Variants in NOTCH2 observed in about 807,000 individuals in gnomAD.
NOTCH2 encodes the protein notch receptor 2, also known as neurogenic locus notch homolog protein 2.
A neutral mutation model predicts 235.8 loss-of-function variants in NOTCH2; 29 were observed. That is an observed-to-expected ratio of 0.12 (90% CI 0.09 to 0.17). The LOEUF is 0.17. Ranked by LOEUF, NOTCH2 falls within the 10% of genes least tolerant of loss-of-function variation. The pLI, the probability that NOTCH2 is intolerant of heterozygous loss-of-function variation, is 1.00. For missense variants in NOTCH2, 2,285 were observed against 3,150.2 expected (o/e 0.73, Z 6.57); for synonymous variants, 1,086 against 1,141.5 (o/e 0.95, Z 0.98).
At position 119,999,210 on chromosome 1, in the gene NOTCH2, C is replaced by T. The variant is rs1772487; in HGVS notation, c.416-1878G>A. 7.3e-3 allele frequency among the ~76,000 whole-genome samples: 1,019 copies of T among 139,608 alleles called. 8 individuals are homozygous for T. The highest frequency in any genetic ancestry group is 0.02 in the African/African-American group (660 of 33,284). 91.6% of individuals were successfully genotyped at this position (139,608 alleles called of 152,430 possible). A position where few individuals can be genotyped will look rare whatever the true frequency, so the allele number is the denominator to read the frequency against. On this transcript the variant is annotated intron_variant, in intron 3 of 33. Transcript: ENST00000256646. Reference sequence around the variant, plus strand: ...AATTCTTTGGGTATATATCCAGTAACGGGATGGCGAGAACTCCTTGAATTT... The same window carrying T: ...AATTCTTTGGGTATATATCCAGTAATGGGATGGCGAGAACTCCTTGAATTT...
rs1292958721 is a variant in NOTCH2 at position 119,916,009 on chromosome 1, G to T, written c.6713C>A (p.Ala2238Asp). ...TGGATGGAGCCTACTCAAGCTTCCA[G>T]CACTGCCACTGCCTGGAGACACAAT... is the stretch of plus-strand genomic sequence containing the variant. ...HHIVSPGSGS[A>D]GSLSRLHPVP... The change falls in exon 34 of 34, where the codon GCT becomes GAT. Residue 2238 changes from alanine (A) to aspartate (D), a missense_variant. Transcript: ENST00000256646. 1 of 1,613,826 alleles carries T rather than the reference G, an allele frequency of 6.2e-7. No homozygotes were observed. The highest frequency in any genetic ancestry group is 1.1e-5 in the South Asian group (1 of 91,090).
chr1:119,948,635 C>T, intron 16 of NOTCH2, 69 bp from the exon 17 acceptor site: 1 of 1,579,822 alleles, frequency 6.3e-7, no homozygotes, highest in South Asian at 1.1e-5. Flanking sequence ...TACGCAGGAC[C>T]TGAGCTTAGT....
At position 119,914,356 on chromosome 1, in the gene NOTCH2, A is replaced by G. The variant is rs1648991597; in HGVS notation, c.*950T>C. ...GTCTCTTGGTCATTCCAACATTCCAAACCTTTTTCTGGTTTTAAAAAAGTG... is the reference window on the plus strand; with the variant it reads ...GTCTCTTGGTCATTCCAACATTCCAGACCTTTTTCTGGTTTTAAAAAAGTG... On this transcript the variant is annotated 3_prime_UTR_variant, in exon 34 of 34. Coordinates refer to ENST00000256646, the MANE Select transcript of NOTCH2 (RefSeq NM_024408.4). The G allele has an allele frequency of 4.3e-6, 1 of 233,036 alleles. No individual in the cohort carries two copies. Among genetic ancestry groups the G allele is most frequent in the South Asian group, 1.8e-4 (1 of 5,528 alleles). 14.4% of individuals were successfully genotyped at this position (233,036 alleles called of 1,614,324 possible).
intron 10 of NOTCH2, among the ~76,000 whole-genome samples, 186 bp downstream of exon 10, chr1:119,965,267 G>A (rs1651092290): frequency 6.6e-6 from 1 of 152,252 alleles, no homozygotes; most frequent in Non-Finnish European, 1.5e-5. Flanking sequence ...CACTGTTGTG[G>A]TGGAGGAGGC....
At chr1:119,948,613 C>A (rs1650345244) in intron 16 of NOTCH2, 47 bp from the exon 17 acceptor site, 2 of 1,611,032 alleles carry the variant, frequency 1.2e-6, no homozygotes, top group Non-Finnish European at 1.7e-6. Context: ...GAAGCTGATT[C>A]CCACAAAAAT....
intron 22 of NOTCH2, among the ~76,000 whole-genome samples, chr1:119,929,874 T>C (rs1196809349): frequency 1.3e-5 from 2 of 152,262 alleles, no homozygotes; most frequent in Non-Finnish European, 2.9e-5. Flanking sequence ...GCTCCTTTCA[T>C]AGTAAATGCC....
At position 119,918,370 on chromosome 1, in the gene NOTCH2, C is replaced by T. The variant is rs762550920; in HGVS notation, c.5929+36G>A. 5.6e-6 allele frequency: 9 copies of T among 1,611,912 alleles called. No homozygotes were observed. The Admixed American group carries it at 1.3e-4, about 24-fold the overall frequency. ...TTCCCCTCGTCAGAGGCATGCTTTG[C>T]AGGTAAGAATCCAAATCCCTGCCTT... On this transcript the variant is annotated intron_variant, in intron 32 of 33. Transcript: ENST00000256646.
At chr1:120,042,617 T>C (rs74115523) in intron 1 of NOTCH2, among the ~76,000 whole-genome samples, 175 of 137,600 alleles carry the variant, frequency 1.3e-3, no homozygotes, top group African/African-American at 5.7e-3. Context: ...ATGTGGTTAT[T>C]AGTGTAGTGT....
Position 120,069,473 on chromosome 1 carries a change from C to A in NOTCH2, c.-67G>T. On this transcript the variant is annotated 5_prime_UTR_variant, in exon 1 of 34. Transcript: ENST00000256646. ...GGGCAGATCCACATGGGGAGGGGGT[C>A]CCGATAGAGGAGCCCCACTCTCTCC... 1 of 1,504,536 alleles carries A rather than the reference C, an allele frequency of 6.6e-7. No individual in the cohort carries two copies. Among genetic ancestry groups the A allele is most frequent in the Non-Finnish European group, 8.8e-7 (1 of 1,136,110 alleles). 93.2% of individuals were successfully genotyped at this position (1,504,536 alleles called of 1,614,324 possible). A position where few individuals can be genotyped will look rare whatever the true frequency, so the allele number is the denominator to read the frequency against.
At chr1:120,012,082 C>T (rs1462474053) in intron 2 of NOTCH2, among the ~76,000 whole-genome samples, 1 of 133,026 alleles carries the variant, frequency 7.5e-6, no homozygotes, top group Non-Finnish European at 1.6e-5. Context: ...CCCAAGTAGA[C>T]TCTAGAGTGC....
chr1:119,950,360 G>C (rs1570685115), intron 15 of NOTCH2: 1 of 392,962 alleles, frequency 2.5e-6, no homozygotes, highest in Middle Eastern at 8.1e-4. Flanking sequence ...CTGGCACATA[G>C]TAAATTACCA....
Position 119,949,020 on chromosome 1 carries a change from A to G in NOTCH2, c.2586T>C (p.Ala862=), listed in dbSNP as rs781863965. ...CCATGTTCTTACCTTGCCAGCCAGGAGCACACAAGCAAGTATAACTCTCAA... is the reference window on the plus strand; with the variant it reads ...CCATGTTCTTACCTTGCCAGCCAGGGGCACACAAGCAAGTATAACTCTCAA... ...PNFESYTCLC[A]PGWQGQRCTI... The change falls in exon 16 of 34, where the codon GCT becomes GCC. Residue 862 remains alanine (A), a synonymous_variant. Transcript: ENST00000256646. 4.3e-6 allele frequency: 7 copies of G among 1,614,200 alleles called. No individual in the cohort carries two copies. In the South Asian group the frequency reaches 7.7e-5, roughly 18 times the overall value.
In NOTCH2 at chr1:120,058,242, G is replaced by A. The variant is rs1454853362; in HGVS notation, c.73+11092C>T. 1.8e-4 allele frequency among the ~76,000 whole-genome samples: 27 copies of A among 152,292 alleles called. 1 individual carries two copies. The East Asian group carries it at 4.2e-3, about 24-fold the overall frequency. ...GCAAGGACCAGGCACGGTGGCTCAC[G>A]CCTGTAATCCCAGCACTTTGGGAGG... On this transcript the variant is annotated intron_variant, in intron 1 of 33. Coordinates refer to ENST00000256646, the MANE Select transcript of NOTCH2 (RefSeq NM_024408.4).
chr1:119,919,731 T>C (rs1028303882), intron 30 of NOTCH2, 118 bp from the exon 31 acceptor site: 2 of 943,378 alleles, frequency 2.1e-6, no homozygotes, highest in African/African-American at 1.6e-5. Context: ...CCTGTACTTC[T>C]TGTAGTAACT....
chr1:120,014,269 T>A lies in NOTCH2; in HGVS notation c.156-8681A>T, dbSNP rs587653003. 1.8e-4 allele frequency among the ~76,000 whole-genome samples: 28 copies of A among 151,942 alleles called. No homozygotes were observed. The South Asian group carries it at 5.6e-3, about 30-fold the overall frequency. On this transcript the variant is annotated intron_variant, in intron 2 of 33. Coordinates refer to ENST00000256646, the MANE Select transcript of NOTCH2 (RefSeq NM_024408.4). Reference sequence around the variant, plus strand: ...CCATAAAGATGTATTTATGACTTTTTCTTTAAAAGTCTCAGCTGGGCACAG... The same window carrying A: ...CCATAAAGATGTATTTATGACTTTTACTTTAAAAGTCTCAGCTGGGCACAG...
intron 2 of NOTCH2, among the ~76,000 whole-genome samples, chr1:120,028,938 G>A (rs422334): frequency 0.18 from 26,830 of 151,588 alleles, 3,053 homozygotes; most frequent in African/African-American, 0.33. Context: ...ACCTAGAAAA[G>A]CTATTATGAA....
intron 22 of NOTCH2, among the ~76,000 whole-genome samples, chr1:119,931,318 G>T (rs587649943): frequency 1.3e-5 from 2 of 152,018 alleles, no homozygotes; most frequent in South Asian, 2.1e-4. Flanking sequence ...CTTTAATACT[G>T]TCCTAACAGA....
rs1197714826 is a variant in NOTCH2 at position 120,033,653 on chromosome 1, CTGA to C, written c.74-3669_74-3667del. The stretch of plus-strand genomic sequence containing the variant: ...AATGGTGGTTACGGAAGCTGTGGGC[CTGA>C]TGATCAATGGGTACAAAAAGCTACA... On this transcript the variant is annotated intron_variant, in intron 1 of 33. Transcript: ENST00000256646. 2.6e-4 allele frequency among the ~76,000 whole-genome samples: 38 copies of C among 147,146 alleles called. 1 individual carries two copies. Among genetic ancestry groups the C allele is most frequent in the Non-Finnish European group, 3.8e-4 (25 of 66,204 alleles).
chr1:119,920,090 G>T, intron 30 of NOTCH2, 139 bp downstream of exon 30: 1 of 870,038 alleles, frequency 1.1e-6, no homozygotes, highest in Non-Finnish European at 1.8e-6. Flanking sequence ...CATTCCTTAA[G>T]CATTCATTTC....
Sources: allele counts gnomAD v4.1 joint callset (sites outside exome capture counted in the v4.1 genomes callset), GRCh38; gene constraint gnomAD v4.1.1; transcripts MANE v1.5; gene names NCBI Gene and HGNC (gene_info 2026-07-23, HGNC 2026-07-21).